CLSTN2: variants seen among roughly 807,000 people sequenced by gnomAD.
CLSTN2 encodes the protein calsyntenin-2.
In CLSTN2, 48 loss-of-function variants were observed where a neutral mutation model predicts 101.2. The ratio of observed to expected loss-of-function variants is 0.47; its 90% CI spans 0.38 to 0.60. The LOEUF is 0.60. Ranked by LOEUF, CLSTN2 falls within the 20% of genes least tolerant of loss-of-function variation. The pLI is 0.00. For synonymous variants in CLSTN2, 481 were observed against 463.6 expected (o/e 1.04, Z -0.48); for missense variants, 1,160 against 1,238.2 (o/e 0.94, Z 0.95).
At chr3:140,529,773 C>A (rs1238516612) in intron 8 of CLSTN2, among the ~76,000 whole-genome samples, 1 of 152,186 alleles carries the variant, frequency 6.6e-6, no homozygotes, top group Admixed American at 6.5e-5. Flanking sequence ...GCATTCCTAC[C>A]TTTGACTCTT....
intron 2 of CLSTN2, among the ~76,000 whole-genome samples, chr3:140,345,481 C>T (rs1013452532): frequency 1.3e-5 from 2 of 151,894 alleles, no homozygotes; most frequent in African/African-American, 4.8e-5. Context: ...AACTCCTGAC[C>T]TCAGGCGATC....
intron 1 of CLSTN2, among the ~76,000 whole-genome samples, chr3:140,041,423 C>T (rs112535203): frequency 0.032 from 4,834 of 152,272 alleles, 117 homozygotes; most frequent in Middle Eastern, 0.061. Flanking sequence ...AGTAAGAGAA[C>T]TCAGGTTCAC....
intron 1 of CLSTN2, among the ~76,000 whole-genome samples, chr3:140,048,519 C>A (rs1365326361): frequency 3.9e-5 from 6 of 152,208 alleles, no homozygotes; most frequent in Non-Finnish European, 8.8e-5. Context: ...TGTCCACATT[C>A]TTTATACACA....
At chr3:140,315,605 C>T (rs746790623) in intron 2 of CLSTN2, among the ~76,000 whole-genome samples, 16 of 152,188 alleles carry the variant, frequency 1.1e-4, no homozygotes, top group Non-Finnish European at 2.1e-4. Flanking sequence ...CTTGCTCAGT[C>T]CTTTAGTTGA....
intron 1 of CLSTN2, among the ~76,000 whole-genome samples, chr3:139,973,545 G>A (rs1176059649): frequency 6.6e-6 from 1 of 152,164 alleles, no homozygotes; most frequent in African/African-American, 2.4e-5. Context: ...AGGGGTGTGT[G>A]GGGTAGAGGG....
At chr3:140,308,422 G>T (rs1017298725) in intron 2 of CLSTN2, among the ~76,000 whole-genome samples, 24 of 152,164 alleles carry the variant, frequency 1.6e-4, no homozygotes, top group African/African-American at 5.6e-4. Flanking sequence ...AAATGACTTC[G>T]ATTGTTATAT....
At chr3:140,428,686 C>T (rs1049535481) in intron 5 of CLSTN2, among the ~76,000 whole-genome samples, 23 of 152,182 alleles carry the variant, frequency 1.5e-4, no homozygotes, top group African/African-American at 3.9e-4. Flanking sequence ...CAACTGATTT[C>T]GGTTCCTTTT....
At chr3:140,035,938 G>C (rs2007642987) in intron 1 of CLSTN2, among the ~76,000 whole-genome samples, 1 of 152,300 alleles carries the variant, frequency 6.6e-6, no homozygotes, top group Non-Finnish European at 1.5e-5. Context: ...CTTCCCAGTT[G>C]CTCGGGTAAC....
intron 2 of CLSTN2, among the ~76,000 whole-genome samples, chr3:140,262,559 A>G (rs2086662446): frequency 6.6e-6 from 1 of 152,178 alleles, no homozygotes; most frequent in South Asian, 2.1e-4. Context: ...GGCAAGATGA[A>G]TGGATTATAT....
chr3:140,167,214 T>A (rs2010148494), intron 1 of CLSTN2, among the ~76,000 whole-genome samples: 1 of 152,224 alleles, frequency 6.6e-6, no homozygotes, highest in Admixed American at 6.5e-5. Context: ...TGGCTGGCCT[T>A]GCTCCTTCAA....
At chr3:140,195,934 G>A (rs2010637428) in intron 2 of CLSTN2, among the ~76,000 whole-genome samples, 1 of 152,180 alleles carries the variant, frequency 6.6e-6, no homozygotes, top group South Asian at 2.1e-4. Context: ...AGACAGATAA[G>A]GACTTCTCAC....
chr3:140,362,330 A>G (rs2087738100), intron 2 of CLSTN2, among the ~76,000 whole-genome samples: 3 of 152,224 alleles, frequency 2.0e-5, no homozygotes, highest in Admixed American at 6.5e-5. Flanking sequence ...TAATTAACTT[A>G]TACGTAAAAC....
At chr3:140,552,676 C>T (rs945328848) in intron 10 of CLSTN2, among the ~76,000 whole-genome samples, 2 of 152,144 alleles carry the variant, frequency 1.3e-5, no homozygotes, top group Admixed American at 6.5e-5. Context: ...AGGCAGCCCT[C>T]ATGTGAGGCT....
chr3:140,566,591 A>C lies in CLSTN2; in HGVS notation c.*338A>C. 3.2e-6 allele frequency: 1 copy of C among 316,390 alleles called. No individual in the cohort carries two copies. Among genetic ancestry groups the C allele is most frequent in the Non-Finnish European group, 6.1e-6 (1 of 164,076 alleles). The allele number at this position is 316,390 out of a possible 1,614,324, so 19.6% of individuals were successfully genotyped here. A position where few individuals can be genotyped will look rare whatever the true frequency, so the allele number is the denominator to read the frequency against. ...AAGAAGGCCCACCTTTGTGTCACTC[A>C]CCTCCCCAGGCTCAGAGTCCCCAAG... On this transcript the variant is annotated 3_prime_UTR_variant, in exon 17 of 17. Coordinates refer to ENST00000458420, the MANE Select transcript of CLSTN2 (RefSeq NM_022131.3).
chr3:140,403,513 G>A lies in CLSTN2; in HGVS notation c.233-116G>A, dbSNP rs963887055. 2.7e-5 allele frequency: 23 copies of A among 848,580 alleles called. No individual in the cohort carries two copies. In the African/African-American group the frequency reaches 3.6e-4, roughly 13 times the overall value. 52.6% of individuals were successfully genotyped at this position (848,580 alleles called of 1,614,324 possible). A position where few individuals can be genotyped will look rare whatever the true frequency, so the allele number is the denominator to read the frequency against. On this transcript the variant is annotated intron_variant, in intron 2 of 16. Transcript: ENST00000458420. ...GCTGCTGGCTCGTGGACCACACTAT[G>A]TGCGTGGAAGAAATTGCATGGAGGC...
chr3:140,523,951 A>G (rs982270718), intron 8 of CLSTN2, among the ~76,000 whole-genome samples: 1 of 152,112 alleles, frequency 6.6e-6, no homozygotes, highest in African/African-American at 2.4e-5. Flanking sequence ...CCTGTCTCAG[A>G]CTCACTTTCT....
intron 1 of CLSTN2, among the ~76,000 whole-genome samples, chr3:140,164,016 T>C (rs902161149): frequency 1.3e-5 from 2 of 152,094 alleles, no homozygotes; most frequent in African/African-American, 2.4e-5. Context: ...ATTGAAGTAA[T>C]AACAATCTTG....
chr3:140,296,781 A>C (rs1257580251), intron 2 of CLSTN2, among the ~76,000 whole-genome samples: 1 of 152,180 alleles, frequency 6.6e-6, no homozygotes, highest in East Asian at 1.9e-4. Flanking sequence ...CAAAGGCTAT[A>C]TTGTCACATT....
intron 2 of CLSTN2, among the ~76,000 whole-genome samples, chr3:140,261,614 A>T (rs1198201063): frequency 6.6e-6 from 1 of 151,342 alleles, no homozygotes; most frequent in Non-Finnish European, 1.5e-5. Flanking sequence ...CTACTAGGGA[A>T]TCATTGCTTC....
Sources: gnomAD v4.1 joint callset for allele counts (sites outside exome capture counted in the v4.1 genomes callset) on GRCh38, gnomAD v4.1.1 for gene constraint, MANE v1.5 for transcripts, NCBI Gene and HGNC (gene_info 2026-07-23, HGNC 2026-07-21) for gene names.